CDK5RAP2: variants seen among roughly 807,000 people sequenced by gnomAD.
The protein encoded by CDK5RAP2 is CDK5 regulatory subunit associated protein 2.
Under a neutral mutation model 232.9 loss-of-function variants are expected in CDK5RAP2, and 147 were observed. That is an observed-to-expected ratio of 0.63 (90% CI 0.55 to 0.72). The LOEUF is 0.72. Ranked by LOEUF, CDK5RAP2 falls within the 30% of genes least tolerant of loss-of-function variation. The pLI, the probability that CDK5RAP2 is intolerant of heterozygous loss-of-function variation, is 0.00. For synonymous variants in CDK5RAP2, 833 were observed against 833.7 expected (o/e 1.00, Z 0.01); for missense variants, 2,195 against 2,231.5 (o/e 0.98, Z 0.33).
chr9:120,498,893 A>G (rs1181971459), intron 12 of CDK5RAP2, among the ~76,000 whole-genome samples: 2 of 152,142 alleles, frequency 1.3e-5, no homozygotes, highest in Non-Finnish European at 2.9e-5. Flanking sequence ...AATGCAATGT[A>G]TATACCTTGT....
At position 120,403,989 on chromosome 9, in the gene CDK5RAP2, C is replaced by T. The variant is rs749193088; in HGVS notation, c.5041+47G>A. On this transcript the variant is annotated intron_variant, in intron 33 of 37. Coordinates refer to ENST00000349780, the MANE Select transcript of CDK5RAP2 (RefSeq NM_018249.6). The surrounding 1 kb of genome is among the most constrained non-coding windows in gnomAD (Gnocchi z 4.2). ...CTTTTCTGCAAGTTAAAAAGTCTTA[C>T]TGTCACATCCAATGCTCCCACAGTT... 14 of 1,291,698 alleles carry T rather than the reference C, an allele frequency of 1.1e-5. No individual in the cohort carries two copies. The East Asian group carries it at 3.0e-4, about 28-fold the overall frequency. The allele number at this position is 1,291,698 out of a possible 1,614,324, so 80.0% of individuals were successfully genotyped here.
intron 13 of CDK5RAP2, among the ~76,000 whole-genome samples, 189 bp downstream of exon 13, chr9:120,491,118 T>C (rs1045128578): frequency 6.6e-6 from 1 of 152,188 alleles, no homozygotes; most frequent in African/African-American, 2.4e-5. Flanking sequence ...TTTCTTCCCT[T>C]CTCTGAGTTT....
Position 120,437,343 on chromosome 9 carries a change from T to A in CDK5RAP2, c.3907A>T (p.Asn1303Tyr). Residue 1303 changes from asparagine to tyrosine, a missense_variant, in exon 25 of 38, where the codon AAT (asparagine) becomes TAT (tyrosine). Asn to Tyr is a moderately radical substitution (Grantham distance 143). Transcript: ENST00000349780. ...CVAEGFQEQL[N>Y]QCAELLEKLE... ...TTCTCCAGCAGCTCAGCACATTGATTCAGCTGTTCCTGGAAACCCTCGGCC... is the reference window on the plus strand; with the variant it reads ...TTCTCCAGCAGCTCAGCACATTGATACAGCTGTTCCTGGAAACCCTCGGCC... 3.1e-6 allele frequency: 5 copies of A among 1,614,136 alleles called. No homozygotes were observed. Among genetic ancestry groups the A allele is most frequent in the Non-Finnish European group, 4.2e-6 (5 of 1,180,006 alleles).
In CDK5RAP2 at chr9:120,471,897, C is replaced by A. The variant is rs766178442; in HGVS notation, c.1728-19G>T. The A allele has an allele frequency of 6.2e-7, 1 of 1,613,896 alleles. No homozygotes were observed. Among genetic ancestry groups the A allele is most frequent in the Non-Finnish European group, 8.5e-7 (1 of 1,179,908 alleles). Reference sequence around the variant, plus strand: ...GTTGATACTTGGTAAAACAAGACACCAGAAGTTTTAAAACAGACCTATTTG... The same window carrying A: ...GTTGATACTTGGTAAAACAAGACACAAGAAGTTTTAAAACAGACCTATTTG... On this transcript the variant is annotated intron_variant, in intron 15 of 37. Transcript: ENST00000349780.
At chr9:120,553,873 C>T (rs1405705118) in intron 3 of CDK5RAP2, among the ~76,000 whole-genome samples, 2 of 152,194 alleles carry the variant, frequency 1.3e-5, no homozygotes, top group African/African-American at 2.4e-5. Flanking sequence ...GGATTCCTCT[C>T]ACCTAAGCCT....
At chr9:120,503,829 C>T (rs1262674570) in intron 12 of CDK5RAP2, among the ~76,000 whole-genome samples, 1 of 152,096 alleles carries the variant, frequency 6.6e-6, no homozygotes, top group Non-Finnish European at 1.5e-5. Context: ...GGTTTCCTCA[C>T]ATGGCCATGG....
intron 3 of CDK5RAP2, among the ~76,000 whole-genome samples, chr9:120,554,270 A>G (rs1361933004): frequency 1.3e-5 from 2 of 152,364 alleles, no homozygotes; most frequent in Non-Finnish European, 2.9e-5. Context: ...AAATGAAATA[A>G]ATTTAAATAA....
rs543434338 is a variant in CDK5RAP2, at chr9:120,453,536, C to G, written c.2713G>C (p.Ala905Pro). 5 of 1,614,028 alleles carry G rather than the reference C, an allele frequency of 3.1e-6. No homozygotes were observed. Among genetic ancestry groups the G allele is most frequent in the Non-Finnish European group, 4.2e-6 (5 of 1,180,056 alleles). The stretch of plus-strand genomic sequence containing the variant: ...TGCAGGTTCTCTGGCCGATGCTCTG[C>G]GCTGAGTGCAGTGTTGATCGGTTTC... Reference protein sequence around the residue: ...EEKPINTALSAEHRPENLHGV... With the variant: ...EEKPINTALSPEHRPENLHGV... Residue 905 changes from alanine (A) to proline (P), a missense_variant, in exon 21 of 38, where the codon GCA becomes CCA. By Grantham distance (27) the Ala-to-Pro change is conservative. Coordinates refer to ENST00000349780, the MANE Select transcript of CDK5RAP2 (RefSeq NM_018249.6).
At chr9:120,440,421 C>T (rs1588340455) in intron 23 of CDK5RAP2, 1 of 216,266 alleles carries the variant, frequency 4.6e-6, no homozygotes, top group South Asian at 8.0e-5. Flanking sequence ...CATGCTTTTG[C>T]ATGGGCCGTG....
At chr9:120,429,613 T>C (rs1048621252) in intron 25 of CDK5RAP2, among the ~76,000 whole-genome samples, 2 of 151,922 alleles carry the variant, frequency 1.3e-5, no homozygotes, top group Non-Finnish European at 2.9e-5. Context: ...TAAAAGAGGA[T>C]ACAAACAAAT....
intron 23 of CDK5RAP2, among the ~76,000 whole-genome samples, chr9:120,442,141 T>C (rs2035937117): frequency 6.6e-6 from 1 of 152,222 alleles, no homozygotes; most frequent in Non-Finnish European, 1.5e-5. Context: ...GAGGCATCAC[T>C]AGTACCCCCA....
chr9:120,438,259 A>G (rs1289051234), intron 24 of CDK5RAP2, among the ~76,000 whole-genome samples: 4 of 152,230 alleles, frequency 2.6e-5, no homozygotes, highest in African/African-American at 9.6e-5. Flanking sequence ...AATGTGACTC[A>G]TGTAAACTGG....
intron 14 of CDK5RAP2, among the ~76,000 whole-genome samples, chr9:120,481,556 A>G (rs1564279988): frequency 7.5e-6 from 1 of 132,946 alleles, no homozygotes. Flanking sequence ...TCTGTCTCCC[A>G]GGCTAGAGTG....
At position 120,511,303 on chromosome 9, in the gene CDK5RAP2, T is replaced by C. The variant is rs1588523369; in HGVS notation, c.1311+7124A>G. On this transcript the variant is annotated intron_variant, in intron 12 of 37. Transcript: ENST00000349780. ...AACCAGGACTGCTTGATCTGGATCC[T>C]GTACATAGGATTTAGGTCAGGGCTC... 3.3e-5 allele frequency among the ~76,000 whole-genome samples: 5 copies of C among 152,340 alleles called. 1 individual carries two copies. Among genetic ancestry groups the C allele is most frequent in the Admixed American group, 3.3e-4 (5 of 15,310 alleles).
chr9:120,464,853 A>T (rs1209446823), intron 18 of CDK5RAP2, among the ~76,000 whole-genome samples: 2 of 152,206 alleles, frequency 1.3e-5, no homozygotes, highest in African/African-American at 4.8e-5. Flanking sequence ...TAAATCTCAT[A>T]ATAACGTATG....
intron 1 of CDK5RAP2, among the ~76,000 whole-genome samples, chr9:120,576,672 A>G (rs1475670199): frequency 6.6e-6 from 1 of 152,202 alleles, no homozygotes; most frequent in African/African-American, 2.4e-5. Flanking sequence ...ACTGCACTCC[A>G]GCCTGGGCAA....
intron 29 of CDK5RAP2, among the ~76,000 whole-genome samples, chr9:120,411,126 C>A (rs554770760): frequency 1.0e-3 from 153 of 152,300 alleles, no homozygotes; most frequent in Admixed American, 4.0e-3. Context: ...AGCTTTACAC[C>A]GTTCAACTGT....
intron 25 of CDK5RAP2, among the ~76,000 whole-genome samples, chr9:120,424,776 T>G (rs538721222): frequency 6.6e-6 from 1 of 151,530 alleles, no homozygotes; most frequent in Non-Finnish European, 1.5e-5. Context: ...CTCGACTTAC[T>G]GCAACCTCTG....
At chr9:120,528,827 AG>A in intron 8 of CDK5RAP2, 30 bp from the exon 9 acceptor site, 1 of 1,534,396 alleles carries the variant, frequency 6.5e-7, no homozygotes, top group South Asian at 1.1e-5. Context: ...GGTGTGAAGA[AG>A]GGACGTGCAA....
Sources: gnomAD v4.1 joint callset for allele counts (sites outside exome capture counted in the v4.1 genomes callset) on GRCh38, gnomAD v4.1.1 for gene constraint, Gnocchi (gnomAD v3.1) non-coding constraint, MANE v1.5 for transcripts, NCBI Gene and HGNC (gene_info 2026-07-23, HGNC 2026-07-21) for gene names.